Variants in IL1R1 observed in about 807,000 individuals in gnomAD.
IL1R1 encodes interleukin 1 receptor type 1, also known as interleukin-1 receptor type 1.
A neutral mutation model predicts 50.2 loss-of-function variants in IL1R1; 22 were observed. The ratio of observed to expected loss-of-function variants is 0.44; its 90% CI spans 0.31 to 0.63. IL1R1 has a LOEUF of 0.63. IL1R1 is among the 20% of genes least tolerant of loss of function. The probability of loss-of-function intolerance (pLI) is 0.07; values close to 1 mark genes in which losing one functional copy is unlikely to be tolerated. For synonymous variants in IL1R1, 251 were observed against 236.7 expected, an observed-to-expected ratio of 1.06 and a Z score of -0.55; for missense variants, 509 against 676.2, an observed-to-expected ratio of 0.75 and a Z score of 2.74.
At chr2:102,146,812 C>T (rs960759342) in intron 1 of IL1R1, among the ~76,000 whole-genome samples, 4 of 152,176 alleles carry the variant, frequency 2.6e-5, no homozygotes, top group Non-Finnish European at 5.9e-5. Flanking sequence ...CTGAGCAGAA[C>T]TGCCTGTGTT....
At chr2:102,129,783 G>T (rs955709772) in intron 1 of IL1R1, among the ~76,000 whole-genome samples, 1 of 152,264 alleles carries the variant, frequency 6.6e-6, no homozygotes, top group Middle Eastern at 3.4e-3. Context: ...GCTTTATGTA[G>T]AGCAGACGTT....
chr2:102,136,873 A>C (rs1682372668), intron 1 of IL1R1, among the ~76,000 whole-genome samples: 1 of 151,898 alleles, frequency 6.6e-6, no homozygotes, highest in Non-Finnish European at 1.5e-5. Flanking sequence ...CCTGCTCTTC[A>C]CTCTTCCAAG....
Position 102,132,174 on chromosome 2 carries a change from A to C in IL1R1, c.-83-21767A>C, listed in dbSNP as rs145262161. 3.4e-3 allele frequency among the ~76,000 whole-genome samples: 520 copies of C among 151,962 alleles called. 2 individuals carry two copies. The highest frequency in any genetic ancestry group is 0.012 in the African/African-American group (496 of 41,430). ...TTAATCACTAACAGACCTGCACTAC[A>C]AAAATGTTAGAGGAAATCCTTCAGA... On this transcript the variant is annotated intron_variant, in intron 1 of 10. Coordinates refer to the IL1R1 transcript ENST00000409329.
intron 9 of IL1R1, among the ~76,000 whole-genome samples, chr2:102,173,572 T>TA (rs1159618183): frequency 2.6e-5 from 4 of 152,096 alleles, no homozygotes; most frequent in African/African-American, 9.7e-5. Flanking sequence ...TAATACAAAC[T>TA]AAAAAATATT....
At chr2:102,079,865 G>T (rs1222073031) in intron 1 of IL1R1, among the ~76,000 whole-genome samples, 1 of 152,148 alleles carries the variant, frequency 6.6e-6, no homozygotes, top group Non-Finnish European at 1.5e-5. Context: ...ATCCAAGACA[G>T]TAGGATGTTC....
chr2:102,141,209 T>A (rs1380483387), upstream of IL1R1, among the ~76,000 whole-genome samples: 1 of 152,140 alleles, frequency 6.6e-6, no homozygotes, highest in African/African-American at 2.4e-5. Flanking sequence ...GGCATCACTG[T>A]GGGAGCTTAG....
chr2:102,151,707 G>A (rs756196855), intron 1 of IL1R1, among the ~76,000 whole-genome samples: 2 of 152,264 alleles, frequency 1.3e-5, no homozygotes, highest in Non-Finnish European at 2.9e-5. Context: ...CGTCATGCCT[G>A]GCTTTGGAGG....
chr2:102,102,834 T>G (rs1418490746), upstream of IL1R1, among the ~76,000 whole-genome samples: 1 of 152,094 alleles, frequency 6.6e-6, no homozygotes, highest in African/African-American at 2.4e-5. Flanking sequence ...AAGAACAAGA[T>G]CATGTCTTTT....
chr2:102,147,657 C>A (rs1683274837), intron 1 of IL1R1, among the ~76,000 whole-genome samples: 1 of 148,496 alleles, frequency 6.7e-6, no homozygotes, highest in Admixed American at 6.7e-5. Context: ...CAACCTAGAA[C>A]CTAGTGGTCA....
Position 102,175,649 on chromosome 2 carries a change from T to G in IL1R1, c.1303+4T>G. 6.2e-7 allele frequency: 1 copy of G among 1,613,132 alleles called. No homozygotes were observed. ...AGGGATGACTACGTTGGGGAAGGTA[T>G]GTGTGTAATGGAACAGAGTAAAGGC... is the stretch of plus-strand genomic sequence containing the variant. On this transcript the variant is annotated splice_donor_region_variant and intron_variant, in intron 11 of 11. Transcript: ENST00000410023.
At chr2:102,168,070 G>A (rs1039609628) in intron 6 of IL1R1, among the ~76,000 whole-genome samples, 2 of 152,078 alleles carry the variant, frequency 1.3e-5, no homozygotes, top group Non-Finnish European at 2.9e-5. Flanking sequence ...ATAAACCCCT[G>A]AAACCAATCT....
intron 6 of IL1R1, among the ~76,000 whole-genome samples, chr2:102,168,238 G>T (rs545903602): frequency 6.6e-6 from 1 of 152,126 alleles, no homozygotes; most frequent in Non-Finnish European, 1.5e-5. Context: ...AGCCCTTCTG[G>T]CCAATAACAC....
At position 102,094,830 on chromosome 2, in the gene IL1R1, C is replaced by T. The variant is rs937678381; in HGVS notation, c.-84+24297C>T. On this transcript the variant is annotated intron_variant, in intron 1 of 11. Transcript: ENST00000409929. ...GGAACAGGTTGCATATATATACACA[C>T]ATATACACATATATGTGCATATATG... 1.1e-4 allele frequency among the ~76,000 whole-genome samples: 17 copies of T among 152,212 alleles called. No individual in the cohort carries two copies. In the East Asian group the frequency reaches 3.1e-3, roughly 28 times the overall value.
At position 102,130,939 on chromosome 2, in the gene IL1R1, A is replaced by C. The variant is rs1187993338; in HGVS notation, c.-83-23002A>C. 2.0e-5 allele frequency among the ~76,000 whole-genome samples: 3 copies of C among 152,206 alleles called. No individual in the cohort carries two copies. The South Asian group carries it at 6.2e-4, about 31-fold the overall frequency. On this transcript the variant is annotated intron_variant, in intron 1 of 10. Transcript: ENST00000409329. Reference sequence around the variant, plus strand: ...TAGTGATCCCTGAGAGGCAGAAAACAAAGCCCTGTGACTTCTCCTGCTTAC... The same window carrying C: ...TAGTGATCCCTGAGAGGCAGAAAACCAAGCCCTGTGACTTCTCCTGCTTAC...
chr2:102,075,882 A>G (rs1012004904), intron 1 of IL1R1, among the ~76,000 whole-genome samples: 3 of 152,216 alleles, frequency 2.0e-5, no homozygotes, highest in Non-Finnish European at 4.4e-5. Flanking sequence ...GCAGTGTATC[A>G]TAGAGCTTCC....
At chr2:102,072,389 TG>T (rs1678771331) in intron 1 of IL1R1, among the ~76,000 whole-genome samples, 1 of 152,238 alleles carries the variant, frequency 6.6e-6, no homozygotes, top group Admixed American at 6.5e-5. Context: ...TTTAAAAGTT[TG>T]GCGCTTTATC....
rs543619485 is a variant in IL1R1 at position 102,091,249 on chromosome 2, T to C, written c.-84+20716T>C. Among the ~76,000 whole-genome samples the C allele has an allele frequency of 3.9e-5, 6 of 152,340 alleles. No individual in the cohort carries two copies. The East Asian group carries it at 1.2e-3, about 29-fold the overall frequency. On this transcript the variant is annotated intron_variant, in intron 1 of 11. Transcript: ENST00000409929. ...GCAGGGCTTCTTCTAGTAGTTTTTT[T>C]TCTTTCTTTCTTTTAATCTATCAAT... is the stretch of plus-strand genomic sequence containing the variant.
At chr2:102,160,528 T>A (rs1384053872) in intron 3 of IL1R1, among the ~76,000 whole-genome samples, 1 of 152,178 alleles carries the variant, frequency 6.6e-6, no homozygotes, top group Non-Finnish European at 1.5e-5. Flanking sequence ...AAGCAGTTCC[T>A]AGGTGTGTTG....
chr2:102,138,714 G>A (rs1364026234), upstream of IL1R1, among the ~76,000 whole-genome samples: 2 of 152,084 alleles, frequency 1.3e-5, no homozygotes, highest in Non-Finnish European at 2.9e-5. Flanking sequence ...TGTATGAGAG[G>A]AGCGATAAAA....
Sources: allele counts gnomAD v4.1 joint callset (sites outside exome capture counted in the v4.1 genomes callset), GRCh38; gene constraint gnomAD v4.1.1; transcripts MANE v1.5; gene names NCBI Gene and HGNC (gene_info 2026-07-23, HGNC 2026-07-21).